SNX13: variants seen among roughly 807,000 people sequenced by gnomAD.
SNX13 encodes sorting nexin 13.
Under a neutral mutation model 133.6 loss-of-function variants are expected in SNX13, and 45 were observed. The ratio of observed to expected loss-of-function variants is 0.34; its 90% CI spans 0.27 to 0.43. SNX13 has a LOEUF of 0.43. SNX13 is among the 20% of genes least tolerant of loss of function. The pLI is 1.00. For missense variants in SNX13, 1,032 were observed against 1,145.1 expected, an observed-to-expected ratio of 0.90 and a Z score of 1.43; for synonymous variants, 414 against 373.9, an observed-to-expected ratio of 1.11 and a Z score of -1.24.
chr7:17,884,917 G>C (rs550188750), intron 5 of SNX13, among the ~76,000 whole-genome samples: 79 of 152,244 alleles, frequency 5.2e-4, no homozygotes, highest in African/African-American at 1.9e-3. Context: ...TGGTGGAAAC[G>C]TAACAAAATA....
chr7:17,805,007 C>G (rs966150391), intron 20 of SNX13, among the ~76,000 whole-genome samples: 2 of 152,130 alleles, frequency 1.3e-5, no homozygotes, highest in African/African-American at 4.8e-5. Flanking sequence ...TGGTTGGTTA[C>G]TCCCTGGCTT....
At chr7:17,861,884 A>G (rs1175919919) in intron 9 of SNX13, among the ~76,000 whole-genome samples, 1 of 152,178 alleles carries the variant, frequency 6.6e-6, no homozygotes, top group Non-Finnish European at 1.5e-5. Flanking sequence ...TTCCTGCTAT[A>G]AAGCTTTTTA....
At chr7:17,920,325 T>C (rs185962266) in intron 1 of SNX13, among the ~76,000 whole-genome samples, 2 of 152,282 alleles carry the variant, frequency 1.3e-5, no homozygotes, top group African/African-American at 4.8e-5. Context: ...AATTTACCAT[T>C]TTACTACTTA....
At chr7:17,816,372 C>T (rs1458927335) in intron 18 of SNX13, 83 bp from the exon 19 acceptor site, 1 of 1,445,732 alleles carries the variant, frequency 6.9e-7, no homozygotes, top group Non-Finnish European at 9.2e-7. Context: ...ATATTAAAAA[C>T]ATCTTCAGGC....
intron 21 of SNX13, 39 bp from the exon 22 acceptor site, chr7:17,801,698 A>C: frequency 1.4e-6 from 2 of 1,464,672 alleles, no homozygotes; most frequent in Non-Finnish European, 1.9e-6. Context: ...AACACACTAA[A>C]GCAGACAGTG....
chr7:17,836,443 G>A (rs951694125), intron 13 of SNX13, among the ~76,000 whole-genome samples: 1 of 152,004 alleles, frequency 6.6e-6, no homozygotes, highest in Non-Finnish European at 1.5e-5. Context: ...CCTGAACCTG[G>A]GATGCAAAGG....
intron 9 of SNX13, among the ~76,000 whole-genome samples, chr7:17,854,499 C>A (rs548561771): frequency 6.6e-6 from 1 of 152,184 alleles, no homozygotes; most frequent in Non-Finnish European, 1.5e-5. Flanking sequence ...TCTAGCAACG[C>A]TGTGTCCAGA....
Position 17,796,880 on chromosome 7 carries a change from A to G in SNX13, c.2573T>C (p.Ile858Thr), listed in dbSNP as rs1215644112. ...AEAVPCRDKSIRMRTRVAGKT... is the reference protein window; with the variant it reads ...AEAVPCRDKSTRMRTRVAGKT... ...TCCTGCTACTCTTGTTCTCATTCGA[A>G]TACTTTTATCTCTGCATGGAACAGC... Residue 858 changes from isoleucine (I) to threonine (T), a missense_variant, in exon 25 of 26, where the codon ATT becomes ACT. Physicochemically the swap from Ile to Thr is moderately conservative, Grantham distance 89. Coordinates refer to ENST00000428135, the MANE Select transcript of SNX13 (RefSeq NM_015132.5). The G allele has an allele frequency of 9.3e-6, 15 of 1,611,242 alleles. No homozygotes were observed. The highest frequency in any genetic ancestry group is 1.3e-5 in the African/African-American group (1 of 74,794).
At chr7:17,933,435 C>T (rs368943901) in intron 1 of SNX13, among the ~76,000 whole-genome samples, 177 of 151,996 alleles carry the variant, frequency 1.2e-3, no homozygotes, top group African/African-American at 4.0e-3. Context: ...CCCAGCTAGT[C>T]AGGAGGCTGA....
chr7:17,869,800 C>T (rs968471142), intron 8 of SNX13, among the ~76,000 whole-genome samples: 3 of 151,986 alleles, frequency 2.0e-5, no homozygotes, highest in Admixed American at 1.3e-4. Flanking sequence ...GTAATTCCTT[C>T]CTTCAAATTA....
intron 19 of SNX13, 102 bp from the exon 20 acceptor site, chr7:17,815,046 A>T (rs1786506004): frequency 8.3e-7 from 1 of 1,204,696 alleles, no homozygotes; most frequent in Non-Finnish European, 1.1e-6. Context: ...AAGAATGTAT[A>T]GTAAAAAATA....
At chr7:17,843,000 AAAG>A in intron 12 of SNX13, among the ~76,000 whole-genome samples, 1 of 152,118 alleles carries the variant, frequency 6.6e-6, no homozygotes, top group East Asian at 1.9e-4. Context: ...ACTAAATACA[AAAG>A]AAGTCAGTTA....
Position 17,839,995 on chromosome 7 carries a change from T to C in SNX13, c.1171A>G (p.Met391Val), listed in dbSNP as rs1283538079. The C allele has an allele frequency of 1.2e-6, 2 of 1,607,302 alleles. No individual in the cohort carries two copies. Among genetic ancestry groups the C allele is most frequent in the East Asian group, 2.2e-5 (1 of 44,568 alleles). Residue 391 changes from methionine to valine, a missense_variant, in exon 13 of 26, where the codon ATG becomes GTG. Met to Val is a conservative substitution (Grantham distance 21). Coordinates refer to ENST00000428135, the MANE Select transcript of SNX13 (RefSeq NM_015132.5). ...TGTGCTTGACCTCCAGTTTGCTGCA[T>C]GTAATCTAGCAATCAAAAATCCATA... ...NVALQFFMDY[M>V]QQTGGQAHLF...
chr7:17,826,666 T>C (rs1787947010), intron 16 of SNX13, among the ~76,000 whole-genome samples: 1 of 152,068 alleles, frequency 6.6e-6, no homozygotes, highest in Non-Finnish European at 1.5e-5. Flanking sequence ...ATGAGGTGAA[T>C]CCATAGACTA....
intron 24 of SNX13, among the ~76,000 whole-genome samples, chr7:17,798,297 A>G (rs536208242): frequency 6.6e-6 from 1 of 152,010 alleles, no homozygotes; most frequent in East Asian, 1.9e-4. Flanking sequence ...CAACATAGCC[A>G]GAGAGACTTA....
intron 25 of SNX13, 92 bp from the exon 26 acceptor site, chr7:17,794,384 GTAAC>G: frequency 1.4e-6 from 2 of 1,440,686 alleles, no homozygotes; most frequent in Non-Finnish European, 1.9e-6. Flanking sequence ...ACACAGCAGA[GTAAC>G]TGATGAACAG....
At chr7:17,803,619 A>G in intron 20 of SNX13, 39 bp from the exon 21 acceptor site, 1 of 1,535,932 alleles carries the variant, frequency 6.5e-7, no homozygotes, top group Non-Finnish European at 8.8e-7. Context: ...ACTTTATTGT[A>G]CCAGAGTTGT....
chr7:17,888,609 C>A, intron 5 of SNX13: 1 of 459,884 alleles, frequency 2.2e-6, no homozygotes, highest in South Asian at 1.6e-5. Context: ...TGTTGGATGG[C>A]ATAAAAACTT....
At chr7:17,797,878 A>G (rs1413954991) in intron 24 of SNX13, among the ~76,000 whole-genome samples, 1 of 151,892 alleles carries the variant, frequency 6.6e-6, no homozygotes, top group Non-Finnish European at 1.5e-5. Flanking sequence ...CCCACTTTGT[A>G]GCCTGAGAGC....
Sources: gnomAD v4.1 joint callset for allele counts (sites outside exome capture counted in the v4.1 genomes callset) on GRCh38, gnomAD v4.1.1 for gene constraint, MANE v1.5 for transcripts, NCBI Gene and HGNC (gene_info 2026-07-23, HGNC 2026-07-21) for gene names.